FBXL17: variants seen among roughly 807,000 people sequenced by gnomAD.
FBXL17 encodes F-box/LRR-repeat protein 17.
FBXL17 carries 22 observed loss-of-function variants against 66.2 expected under a neutral mutation model. The observed-to-expected ratio is 0.33, with a 90% confidence interval of 0.24 to 0.47. FBXL17 has a LOEUF of 0.47. FBXL17 is among the 20% of genes least tolerant of loss of function. The probability of loss-of-function intolerance (pLI) is 1.00; values close to 1 mark genes in which losing one functional copy is unlikely to be tolerated. For missense variants in FBXL17, 878 were observed against 948.2 expected, an observed-to-expected ratio of 0.93 and a Z score of 0.97; for synonymous variants, 474 against 400.5, an observed-to-expected ratio of 1.18 and a Z score of -2.19.
intron 8 of FBXL17, chr5:107,880,439 G>A: frequency 1.0e-6 from 1 of 990,160 alleles, no homozygotes; most frequent in Non-Finnish European, 1.2e-6. Flanking sequence ...CTAAACTCAT[G>A]CTCACATCCC....
chr5:108,133,642 G>C (rs1448286887), intron 6 of FBXL17, among the ~76,000 whole-genome samples: 1 of 151,926 alleles, frequency 6.6e-6, no homozygotes, highest in Non-Finnish European at 1.5e-5. Context: ...ATGGAGGGCT[G>C]AGAAGAAAGG....
intron 4 of FBXL17, among the ~76,000 whole-genome samples, chr5:108,319,464 CAAA>C (rs1258566223): frequency 6.6e-6 from 1 of 151,356 alleles, no homozygotes; most frequent in Non-Finnish European, 1.5e-5. Flanking sequence ...AATGCATTAA[CAAA>C]AAAACAATAT....
At chr5:107,875,340 G>C (rs1218973530) in intron 8 of FBXL17, among the ~76,000 whole-genome samples, 5 of 152,102 alleles carry the variant, frequency 3.3e-5, no homozygotes, top group Non-Finnish European at 7.4e-5. Context: ...ATTAGTTACA[G>C]AGTCCTATAT....
intron 7 of FBXL17, among the ~76,000 whole-genome samples, chr5:107,883,510 C>T (rs1748863706): frequency 6.6e-6 from 1 of 152,096 alleles, no homozygotes; most frequent in Admixed American, 6.6e-5. Flanking sequence ...AGGAACAGCC[C>T]AGTAAACAGT....
At chr5:108,116,751 T>TAAA (rs201933106) in intron 6 of FBXL17, among the ~76,000 whole-genome samples, 21,761 of 151,510 alleles carry the variant, frequency 0.14, 1,617 homozygotes, top group Admixed American at 0.17. Context: ...TATGTGCACA[T>TAAA]AATTTCTTAT....
At chr5:107,886,020 C>A (rs1397552522) in intron 7 of FBXL17, among the ~76,000 whole-genome samples, 1 of 151,724 alleles carries the variant, frequency 6.6e-6, no homozygotes, top group East Asian at 1.9e-4. Context: ...AACAGCATAA[C>A]CCAGATGAAT....
chr5:108,078,045 G>A (rs286788), intron 6 of FBXL17, among the ~76,000 whole-genome samples: 118,103 of 152,058 alleles, frequency 0.78, 46,239 homozygotes, highest in East Asian at 0.93. Flanking sequence ...AGAGGCGCTA[G>A]AAAAACTAGT....
chr5:108,136,429 G>A (rs1293733568), intron 6 of FBXL17, among the ~76,000 whole-genome samples: 4 of 152,224 alleles, frequency 2.6e-5, no homozygotes, highest in South Asian at 4.1e-4. Flanking sequence ...TTCTGGGTAC[G>A]CTACAACACC....
intron 4 of FBXL17, chr5:108,301,910 G>T: frequency 2.5e-6 from 1 of 393,064 alleles, no homozygotes; most frequent in Non-Finnish European, 3.5e-6. Flanking sequence ...ATCCAGATAT[G>T]TCTCATTCTT....
At chr5:108,154,817 A>C (rs2150000198) in intron 6 of FBXL17, among the ~76,000 whole-genome samples, 1 of 151,682 alleles carries the variant, frequency 6.6e-6, no homozygotes, top group East Asian at 1.9e-4. Context: ...ACCCCTGAAC[A>C]GACCAATGAA....
Position 108,095,752 on chromosome 5 carries a change from A to G in FBXL17, c.1746-74751T>C, listed in dbSNP as rs1473087009. Among the ~76,000 whole-genome samples, 8 of 152,282 alleles carry G rather than the reference A, an allele frequency of 5.3e-5. 1 individual carries two copies. In the East Asian group the frequency reaches 1.3e-3, roughly 26 times the overall value. ...ATAATAAGAACTAATATGATGATAA[A>G]TGGCATCATTCACAGAGTTTTCAAC... On this transcript the variant is annotated intron_variant, in intron 6 of 8. Transcript: ENST00000542267.
intron 5 of FBXL17, among the ~76,000 whole-genome samples, chr5:108,207,108 T>C (rs1227273535): frequency 4.6e-5 from 7 of 152,066 alleles, no homozygotes; most frequent in Non-Finnish European, 1.0e-4. Flanking sequence ...ATTATAACAA[T>C]ATGCTGTAAT....
intron 4 of FBXL17, among the ~76,000 whole-genome samples, chr5:108,289,887 A>T (rs1758043661): frequency 6.6e-6 from 1 of 152,162 alleles, no homozygotes; most frequent in Non-Finnish European, 1.5e-5. Flanking sequence ...AAATTATTGC[A>T]GGAGATACCT....
chr5:107,908,869 T>C (rs1428892764), intron 7 of FBXL17, among the ~76,000 whole-genome samples: 1 of 152,168 alleles, frequency 6.6e-6, no homozygotes, highest in East Asian at 1.9e-4. Context: ...AGTTGAACTG[T>C]ATTAATGGCC....
chr5:108,285,126 A>T (rs1325452324), intron 4 of FBXL17, among the ~76,000 whole-genome samples: 3 of 151,908 alleles, frequency 2.0e-5, no homozygotes, highest in Admixed American at 2.0e-4. Context: ...TATCCATAAG[A>T]AGTTTGATCA....
At chr5:108,173,233 C>T (rs959931092) in intron 6 of FBXL17, among the ~76,000 whole-genome samples, 3 of 152,088 alleles carry the variant, frequency 2.0e-5, no homozygotes, top group African/African-American at 4.8e-5. Context: ...AGCACATATA[C>T]TTTTTTCCTA....
At chr5:108,025,769 A>G (rs1754796836) in intron 6 of FBXL17, among the ~76,000 whole-genome samples, 1 of 151,634 alleles carries the variant, frequency 6.6e-6, no homozygotes. Context: ...CCCACACGAA[A>G]GGAGTAAAAA....
intron 7 of FBXL17, among the ~76,000 whole-genome samples, chr5:108,004,609 G>T (rs1753856301): frequency 6.6e-6 from 1 of 152,136 alleles, no homozygotes; most frequent in African/African-American, 2.4e-5. Flanking sequence ...AAGTACTCCA[G>T]CCTGGGATCG....
At chr5:108,242,480 C>T (rs1413388430) in intron 4 of FBXL17, among the ~76,000 whole-genome samples, 2 of 151,970 alleles carry the variant, frequency 1.3e-5, no homozygotes, top group African/African-American at 2.4e-5. Flanking sequence ...CCTCAGCCTC[C>T]AAAAGTGCTC....
Sources: allele counts gnomAD v4.1 joint callset (sites outside exome capture counted in the v4.1 genomes callset), GRCh38; gene constraint gnomAD v4.1.1; transcripts MANE v1.5; gene names NCBI Gene and HGNC (gene_info 2026-07-23, HGNC 2026-07-21).